Variants in DDX23 observed in about 807,000 individuals in gnomAD.
The protein encoded by DDX23 is probable ATP-dependent RNA helicase DDX23.
A neutral mutation model predicts 102.7 loss-of-function variants in DDX23; 33 were observed. The observed-to-expected ratio is 0.32, with a 90% CI of 0.24 to 0.43. The LOEUF (loss-of-function observed/expected upper bound fraction) is 0.43, where lower values mean the gene tolerates loss of function less well. Among genes scored for constraint, DDX23 ranks in the 20% least tolerant of loss-of-function variants. DDX23 has a pLI of 1.00. For synonymous variants in DDX23, 352 were observed against 376.0 expected, an observed-to-expected ratio of 0.94 and a Z score of 0.74; for missense variants, 549 against 1,086.6, an observed-to-expected ratio of 0.51 and a Z score of 6.96.
intron 12 of DDX23, among the ~76,000 whole-genome samples, chr12:48,833,761 A>G (rs1478061143): frequency 1.3e-5 from 2 of 152,130 alleles, no homozygotes; most frequent in Admixed American, 1.3e-4. Context: ...AGGCAAAATC[A>G]GTAGAAACTT....
At chr12:48,846,925 T>A (rs1226367873) in intron 1 of DDX23, among the ~76,000 whole-genome samples, 1 of 152,186 alleles carries the variant, frequency 6.6e-6, no homozygotes, top group Non-Finnish European at 1.5e-5. Context: ...GAGCTAAAAC[T>A]GCAGCAAGCC....
intron 3 of DDX23, among the ~76,000 whole-genome samples, chr12:48,841,525 G>T (rs967093234): frequency 6.6e-6 from 1 of 152,188 alleles, no homozygotes; most frequent in African/African-American, 2.4e-5. Context: ...AAGCTGGACC[G>T]TACTGCTGCC....
intron 1 of DDX23, 99 bp from the exon 2 acceptor site, chr12:48,845,881 A>T: frequency 7.9e-7 from 1 of 1,273,002 alleles, no homozygotes; most frequent in Non-Finnish European, 1.1e-6. Flanking sequence ...TGAGGTGGAT[A>T]TATTAGTATG....
chr12:48,847,372 A>C (rs962233607), intron 1 of DDX23: 10 of 152,102 alleles, frequency 6.6e-5, no homozygotes, highest in African/African-American at 2.2e-4. Flanking sequence ...AAAATTAGCC[A>C]GGCATGGTGG....
At chr12:48,843,047 A>G (rs1391910205) in intron 3 of DDX23, among the ~76,000 whole-genome samples, 2 of 150,328 alleles carry the variant, frequency 1.3e-5, no homozygotes, top group African/African-American at 4.9e-5. Flanking sequence ...TCAGGGTTGA[A>G]TGGATTAAGG....
Position 48,837,004 on chromosome 12 carries a change from C to T in DDX23, c.900G>A (p.Gly300=), listed in dbSNP as rs758720149. 4.3e-6 allele frequency: 7 copies of T among 1,614,024 alleles called. No individual in the cohort carries two copies. Among genetic ancestry groups the T allele is most frequent in the Non-Finnish European group, 5.9e-6 (7 of 1,180,030 alleles). The change falls in exon 9 of 17, where the codon GGG becomes GGA. Residue 300 remains glycine, a synonymous_variant. Coordinates refer to ENST00000308025, the MANE Select transcript of DDX23 (RefSeq NM_004818.3). ...GGTCAATGCCTGCAATGAAGCCTCG[C>T]CCTAACAACTGCACCTGGTGCCGTT... ...YKERHQVQLL[G]RGFIAGIDLK...
chr12:48,835,045 G>A (rs770967023), intron 11 of DDX23: 1 of 158,462 alleles, frequency 6.3e-6, no homozygotes, highest in Non-Finnish European at 1.4e-5. Flanking sequence ...AGGAGTTTGA[G>A]ACCAGTCTAG....
chr12:48,839,229 T>C (rs780217280), intron 5 of DDX23, among the ~76,000 whole-genome samples: 8 of 151,824 alleles, frequency 5.3e-5, no homozygotes, highest in Non-Finnish European at 7.4e-5. Flanking sequence ...TGACTATATG[T>C]GGAGACAGGA....
At chr12:48,839,985 GA>G (rs751010370) in intron 4 of DDX23, 27 bp downstream of exon 4, 27 of 1,611,828 alleles carry the variant, frequency 1.7e-5, no homozygotes, top group Non-Finnish European at 2.2e-5. Context: ...ACGAGTTGAA[GA>G]TGAAAAATAT....
chr12:48,831,009 G>T, intron 16 of DDX23, 133 bp downstream of exon 16: 1 of 1,045,114 alleles, frequency 9.6e-7, no homozygotes, highest in Non-Finnish European at 1.4e-6. Flanking sequence ...GCTTCTCATG[G>T]GAGCAAGCAA....
chr12:48,841,181 T>G (rs1938545178), intron 3 of DDX23, among the ~76,000 whole-genome samples: 3 of 151,614 alleles, frequency 2.0e-5, no homozygotes, highest in Admixed American at 2.0e-4. Flanking sequence ...AGGTCAAGAG[T>G]TCGAGACCAG....
chr12:48,842,918 T>G (rs1471791020), intron 3 of DDX23, among the ~76,000 whole-genome samples: 4 of 150,766 alleles, frequency 2.7e-5, no homozygotes, highest in African/African-American at 9.7e-5. Context: ...TAGAAAGAGG[T>G]AGACATGGGA....
Position 48,836,799 on chromosome 12 carries a change from A to G in DDX23, c.1011-5T>C. ...CGAAGTTTGCGGAGTCTTGCCCTGG[A>G]GCAGGGTGTGAGGAGTAAGTAGAAT... On this transcript the variant is annotated splice_region_variant and splice_polypyrimidine_tract_variant and intron_variant, in intron 9 of 16. Coordinates refer to ENST00000308025, the MANE Select transcript of DDX23 (RefSeq NM_004818.3). This position sits in a 1 kb window ranked among gnomAD's most constrained non-coding sequence, Gnocchi z 6.1. The G allele has an allele frequency of 5.0e-6, 8 of 1,613,776 alleles. No homozygotes were observed. Among genetic ancestry groups the G allele is most frequent in the Non-Finnish European group, 6.8e-6 (8 of 1,179,734 alleles).
At position 48,832,172 on chromosome 12, in the gene DDX23, G is replaced by C; in HGVS notation, c.1970C>G (p.Ala657Gly). 6.2e-7 allele frequency: 1 copy of C among 1,613,948 alleles called. No individual in the cohort carries two copies. Among genetic ancestry groups the C allele is most frequent in the Non-Finnish European group, 8.5e-7 (1 of 1,180,004 alleles). ...SESEKRKKLLAILEQGFDPPI... is the reference protein window; with the variant it reads ...SESEKRKKLLGILEQGFDPPI... ...TGGGTCAAAGCCTTGCTCCAAGATT[G>C]CCAGCAGCTTTTTCCTGGAAGGAAG... is the stretch of plus-strand genomic sequence containing the variant. The change falls in exon 15 of 17, where the codon GCA becomes GGA. Residue 657 changes from alanine to glycine, a missense_variant. By Grantham distance (60) the Ala-to-Gly change is moderately conservative. Around this residue, in one of 4 missense-constraint regions of DDX23, gnomAD observed 270 missense variants for 707.0 expected, o/e 0.38. Coordinates refer to ENST00000308025, the MANE Select transcript of DDX23 (RefSeq NM_004818.3). This position sits in a 1 kb window ranked among gnomAD's most constrained non-coding sequence, Gnocchi z 4.4.
intron 1 of DDX23, among the ~76,000 whole-genome samples, chr12:48,846,632 G>A (rs1938672469): frequency 6.6e-6 from 1 of 152,202 alleles, no homozygotes; most frequent in Non-Finnish European, 1.5e-5. Flanking sequence ...GCAATGGGAA[G>A]AACTTGGTGA....
intron 2 of DDX23, 145 bp from the exon 3 acceptor site, chr12:48,844,195 T>G (rs1207938428): frequency 1.3e-6 from 1 of 779,804 alleles, no homozygotes; most frequent in Admixed American, 2.2e-5. Flanking sequence ...AACGAGGGAA[T>G]TCTAAGAAGC....
Position 48,832,842 on chromosome 12 carries a change from C to G in DDX23, c.1804-269G>C. ...CGGTAGCAGCATGAGTCTTTGGAAT[C>G]GTTTTTCCAGGGCTAAGCTAAATGG... On this transcript the variant is annotated intron_variant, in intron 13 of 16. Coordinates refer to ENST00000308025, the MANE Select transcript of DDX23 (RefSeq NM_004818.3). This position sits in a 1 kb window ranked among gnomAD's most constrained non-coding sequence, Gnocchi z 4.4. The G allele has an allele frequency of 2.0e-6, 1 of 502,164 alleles. No homozygotes were observed. The highest frequency in any genetic ancestry group is 3.5e-6 in the Non-Finnish European group (1 of 283,746). 31.1% of individuals were successfully genotyped at this position (502,164 alleles called of 1,614,324 possible).
intron 3 of DDX23, among the ~76,000 whole-genome samples, chr12:48,843,551 T>C (rs1245687215): frequency 1.4e-4 from 20 of 145,178 alleles, no homozygotes; most frequent in Middle Eastern, 3.5e-3. Flanking sequence ...TTCTTTCTTT[T>C]TTTTTTTTTT....
In DDX23 at chr12:48,831,319, G is replaced by A. The variant is rs777780790; in HGVS notation, c.2065-3C>T. On this transcript the variant is annotated splice_region_variant and splice_polypyrimidine_tract_variant and intron_variant, in intron 15 of 16. Coordinates refer to ENST00000308025, the MANE Select transcript of DDX23 (RefSeq NM_004818.3). ...CCGTGCAGTGTGCAAGCATTGTACT[G>A]TTGGAAGAATGGTGAAGTGAAGAGT... is the stretch of plus-strand genomic sequence containing the variant. 5 of 1,614,114 alleles carry A rather than the reference G, an allele frequency of 3.1e-6. No individual in the cohort carries two copies. The highest frequency in any genetic ancestry group is 4.2e-6 in the Non-Finnish European group (5 of 1,179,996).
Sources: gnomAD v4.1 joint callset for allele counts (sites outside exome capture counted in the v4.1 genomes callset) on GRCh38, gnomAD v4.1.1 for gene constraint, gnomAD v4.1.1 regional missense constraint, Gnocchi (gnomAD v3.1) non-coding constraint, MANE v1.5 for transcripts, NCBI Gene and HGNC (gene_info 2026-07-23, HGNC 2026-07-21) for gene names.